Variants in MOXD1 observed in about 807,000 individuals in gnomAD.
MOXD1 encodes DBH-like monooxygenase protein 1.
MOXD1 carries 62 observed loss-of-function variants against 66.6 expected under a neutral mutation model. The observed-to-expected ratio is 0.93, with a 90% CI of 0.76 to 1.15. The LOEUF is 1.15. MOXD1 is among the 50% of genes most tolerant of loss of function. The pLI, the probability that MOXD1 is intolerant of heterozygous loss-of-function variation, is 0.00. For missense variants in MOXD1, 847 were observed against 754.6 expected (o/e 1.12, Z -1.44); for synonymous variants, 303 against 281.9 (o/e 1.07, Z -0.75).
chr6:132,386,880 G>A (rs1307446341), intron 1 of MOXD1, among the ~76,000 whole-genome samples: 1 of 150,912 alleles, frequency 6.6e-6, no homozygotes, highest in African/African-American at 2.4e-5. Context: ...ATATTTATTG[G>A]GTCTTCTCTT....
At chr6:132,323,370 C>A (rs1775120987) in intron 7 of MOXD1, among the ~76,000 whole-genome samples, 1 of 152,116 alleles carries the variant, frequency 6.6e-6, no homozygotes, top group Non-Finnish European at 1.5e-5. Context: ...TTCCACTTCA[C>A]CAGTCTGCCA....
chr6:132,340,638 A>ATCT (rs1562287208), intron 4 of MOXD1, among the ~76,000 whole-genome samples: 2 of 98,786 alleles, frequency 2.0e-5, no homozygotes, highest in East Asian at 4.1e-4. Flanking sequence ...AACAAGACTC[A>ATCT]TTTTTTTTTT....
rs1164565284 is a variant in MOXD1 at position 132,349,405 on chromosome 6, AC to A, written c.664-20812del. ...TGTATATATATATACACATATATAT[AC>A]ATATATATATATATACATATATATA... On this transcript the variant is annotated intron_variant, in intron 4 of 11. Coordinates refer to ENST00000367963, the MANE Select transcript of MOXD1 (RefSeq NM_015529.4). 5.1e-5 allele frequency among the ~76,000 whole-genome samples: 2 copies of A among 39,454 alleles called. 1 individual carries two copies. The highest frequency in any genetic ancestry group is 2.7e-4 in the African/African-American group (2 of 7,320). 25.9% of individuals were successfully genotyped at this position (39,454 alleles called of 152,430 possible). A position where few individuals can be genotyped will look rare whatever the true frequency, so the allele number is the denominator to read the frequency against.
intron 4 of MOXD1, among the ~76,000 whole-genome samples, chr6:132,356,361 A>C (rs557183182): frequency 2.4e-3 from 364 of 152,340 alleles, no homozygotes; most frequent in African/African-American, 8.4e-3. Context: ...GTTTTCATCC[A>C]TTAACAGGCA....
intron 6 of MOXD1, among the ~76,000 whole-genome samples, chr6:132,327,435 G>A (rs979192486): frequency 2.0e-5 from 3 of 152,074 alleles, no homozygotes; most frequent in African/African-American, 7.2e-5. Flanking sequence ...TAATAACTTG[G>A]AGTTACTTCT....
At position 132,323,919 on chromosome 6, in the gene MOXD1, G is replaced by T. The variant is rs1170760702; in HGVS notation, c.1113+12C>A. 6.3e-7 allele frequency: 1 copy of T among 1,587,450 alleles called. No homozygotes were observed. The highest frequency in any genetic ancestry group is 8.5e-7 in the Non-Finnish European group (1 of 1,170,476). On this transcript the variant is annotated intron_variant, in intron 7 of 11. Transcript: ENST00000367963. ...ATCTGCAGAGAGCAGCTCAGACTCA[G>T]ATGCTGCATACCTCTTCCAGGCACT...
intron 1 of MOXD1, among the ~76,000 whole-genome samples, chr6:132,397,653 AGAAAGAAAG>A (rs1776920594): frequency 8.3e-6 from 1 of 119,766 alleles, no homozygotes; most frequent in African/African-American, 3.0e-5. Context: ...AAAGAAAGAA[AGAAAGAAAG>A]AAAGAAAGAA....
chr6:132,315,594 T>G, intron 10 of MOXD1, 41 bp downstream of exon 10: 1 of 1,567,904 alleles, frequency 6.4e-7, no homozygotes, highest in Non-Finnish European at 8.6e-7. Context: ...CATCTTTCTC[T>G]GAAATACGTT....
intron 7 of MOXD1, among the ~76,000 whole-genome samples, chr6:132,323,156 A>G (rs1257983677): frequency 1.3e-5 from 2 of 152,212 alleles, no homozygotes; most frequent in African/African-American, 4.8e-5. Context: ...GGCAATAAAC[A>G]TTCTTAGCAA....
At chr6:132,304,344 TA>T (rs937618297) in intron 10 of MOXD1, among the ~76,000 whole-genome samples, 2 of 152,126 alleles carry the variant, frequency 1.3e-5, no homozygotes, top group Non-Finnish European at 2.9e-5. Context: ...CAATAAGCAA[TA>T]ATTTTCTGTA....
At chr6:132,307,856 A>T (rs2114539729) in intron 10 of MOXD1, among the ~76,000 whole-genome samples, 1 of 152,348 alleles carries the variant, frequency 6.6e-6, no homozygotes, top group East Asian at 1.9e-4. Context: ...TCTCTGGGAC[A>T]CAGCTAAAGC....
intron 1 of MOXD1, among the ~76,000 whole-genome samples, chr6:132,396,941 ACTGT>A (rs542541869): frequency 1.3e-5 from 2 of 152,316 alleles, no homozygotes; most frequent in South Asian, 4.1e-4. Context: ...TTCCCATGTG[ACTGT>A]CTTCTTACGT....
intron 1 of MOXD1, among the ~76,000 whole-genome samples, chr6:132,378,119 G>C (rs2114671198): frequency 6.6e-6 from 1 of 152,086 alleles, no homozygotes; most frequent in African/African-American, 2.4e-5. Flanking sequence ...AGTGACAAGA[G>C]AGAAACTCCA....
intron 1 of MOXD1, among the ~76,000 whole-genome samples, chr6:132,399,980 G>C (rs1776984685): frequency 6.6e-6 from 1 of 152,102 alleles, no homozygotes; most frequent in African/African-American, 2.4e-5. Context: ...TATTTTATTG[G>C]AGTTGTAAAG....
chr6:132,374,160 T>C (rs1776324969), intron 2 of MOXD1, among the ~76,000 whole-genome samples: 1 of 152,192 alleles, frequency 6.6e-6, no homozygotes, highest in Admixed American at 6.5e-5. Context: ...AAATAAGAAA[T>C]CTCATTTAAT....
intron 1 of MOXD1, among the ~76,000 whole-genome samples, chr6:132,400,705 T>C (rs1254985186): frequency 6.6e-6 from 1 of 151,866 alleles, no homozygotes; most frequent in Non-Finnish European, 1.5e-5. Flanking sequence ...GGCTCCCAAA[T>C]AGCCACGATT....
chr6:132,365,506 T>C (rs567183696), intron 4 of MOXD1, among the ~76,000 whole-genome samples: 28 of 152,290 alleles, frequency 1.8e-4, no homozygotes, highest in African/African-American at 6.3e-4. Context: ...AAAGAGCCTA[T>C]TGAGGTCATC....
At chr6:132,341,523 A>G (rs1775563384) in intron 4 of MOXD1, among the ~76,000 whole-genome samples, 1 of 152,122 alleles carries the variant, frequency 6.6e-6, no homozygotes, top group Non-Finnish European at 1.5e-5. Flanking sequence ...TGTTAATCTG[A>G]CCAATCATAT....
chr6:132,386,209 T>C (rs1282694224), intron 1 of MOXD1, among the ~76,000 whole-genome samples: 1 of 145,560 alleles, frequency 6.9e-6, no homozygotes, highest in African/African-American at 2.6e-5. Flanking sequence ...AAGACCATCC[T>C]GGCTAACACG....
Sources: gnomAD v4.1 joint callset for allele counts (sites outside exome capture counted in the v4.1 genomes callset) on GRCh38, gnomAD v4.1.1 for gene constraint, MANE v1.5 for transcripts, NCBI Gene and HGNC (gene_info 2026-07-23, HGNC 2026-07-21) for gene names.